The following XPR1 variants were observed in gnomAD, a reference collection of about 807,000 sequenced individuals.
The protein encoded by XPR1 is xenotropic and polytropic retrovirus receptor 1, also known as solute carrier family 53 member 1.
In XPR1, 28 loss-of-function variants were observed where a neutral mutation model predicts 87.5. The observed-to-expected ratio is 0.32, with a 90% CI of 0.24 to 0.44. XPR1 has a LOEUF of 0.44. XPR1 is among the 20% of genes least tolerant of loss of function. XPR1 has a pLI of 1.00. For synonymous variants in XPR1, 300 were observed against 306.1 expected, an observed-to-expected ratio of 0.98 and a Z score of 0.21; for missense variants, 559 against 862.3, an observed-to-expected ratio of 0.65 and a Z score of 4.41.
At position 180,803,588 on chromosome 1, in the gene XPR1, C is replaced by T; in HGVS notation, c.424C>T (p.Leu142=). 6.2e-7 allele frequency: 1 copy of T among 1,612,576 alleles called. No individual in the cohort carries two copies. The highest frequency in any genetic ancestry group is 8.5e-7 in the Non-Finnish European group (1 of 1,179,750). The change falls in exon 4 of 15, where the codon CTA becomes TTA. Residue 142 remains leucine (L), a synonymous_variant. Coordinates refer to ENST00000367590, the MANE Select transcript of XPR1 (RefSeq NM_004736.4). ...KLAFSEFYLS[L]ILLQNYQNLN... is the part of the protein sequence containing the mutation. The stretch of plus-strand genomic sequence containing the variant: ...GGCCTTCAGTGAGTTCTACCTCAGT[C>T]TAATCCTGCTGCAGAACTATCAGGT...
intron 1 of XPR1, among the ~76,000 whole-genome samples, chr1:180,638,743 G>A (rs1218243077): frequency 6.6e-6 from 1 of 152,144 alleles, no homozygotes; most frequent in Non-Finnish European, 1.5e-5. Flanking sequence ...AAATTAAAAA[G>A]TGGTGTAGAA....
chr1:180,835,067 ATAC>A, intron 10 of XPR1, 22 bp downstream of exon 10: 1 of 1,609,276 alleles, frequency 6.2e-7, no homozygotes. Context: ...ATTTGCATCT[ATAC>A]TACTAAATCG....
Position 180,880,217 on chromosome 1 carries a change from TG to T in XPR1, c.1954del (p.Val652TyrfsTer35). On this transcript the variant is annotated frameshift_variant, in exon 14 of 15. Transcript: ENST00000367590. LOFTEE classifies it high-confidence loss of function. ...LLEQMMDQDD[G>X]VRNRQKNRSW... ...TAGAACAGATGATGGACCAGGATGA[TG>T]GGGTACGAAACCGCCAGAAGAATCG... is the stretch of plus-strand genomic sequence containing the variant. 6.2e-7 allele frequency: 1 copy of T among 1,614,156 alleles called. No individual in the cohort carries two copies. Among genetic ancestry groups the T allele is most frequent in the Non-Finnish European group, 8.5e-7 (1 of 1,180,040 alleles).
chr1:180,642,708 T>G (rs1654997610), intron 1 of XPR1, among the ~76,000 whole-genome samples: 1 of 152,150 alleles, frequency 6.6e-6, no homozygotes, highest in Non-Finnish European at 1.5e-5. Flanking sequence ...TAAGACTTAG[T>G]TCCTGCCTTA....
At chr1:180,835,980 T>C (rs1651272722) in intron 10 of XPR1, among the ~76,000 whole-genome samples, 1 of 152,212 alleles carries the variant, frequency 6.6e-6, no homozygotes, top group Non-Finnish European at 1.5e-5. Flanking sequence ...TGGACAGATA[T>C]CCATAAATCT....
At chr1:180,662,367 T>C (rs1363409294) in intron 1 of XPR1, among the ~76,000 whole-genome samples, 1 of 152,212 alleles carries the variant, frequency 6.6e-6, no homozygotes, top group Non-Finnish European at 1.5e-5. Flanking sequence ...TTATTTCTTC[T>C]TCATATTTGA....
intron 6 of XPR1, among the ~76,000 whole-genome samples, chr1:180,808,110 T>C (rs1161166105): frequency 6.6e-6 from 1 of 152,164 alleles, no homozygotes; most frequent in Non-Finnish European, 1.5e-5. Context: ...GCTGCAGTAA[T>C]CAAGAGAGTG....
rs542018082 is a variant in XPR1, at chr1:180,885,903, C to T, written c.*1837C>T. 1 of 152,154 alleles carries T rather than the reference C, an allele frequency of 6.6e-6. No homozygotes were observed. Among genetic ancestry groups the T allele is most frequent in the African/African-American group, 2.4e-5 (1 of 41,448 alleles). The allele number at this position is 152,154 out of a possible 1,614,324, so 9.4% of individuals were successfully genotyped here. A position where few individuals can be genotyped will look rare whatever the true frequency, so the allele number is the denominator to read the frequency against. ...TTATCAATTAACTGACAAATAGTTTCTTTTTAAAGTAGTTTCTTCCATCTT... is the reference window on the plus strand; with the variant it reads ...TTATCAATTAACTGACAAATAGTTTTTTTTTAAAGTAGTTTCTTCCATCTT... On this transcript the variant is annotated 3_prime_UTR_variant, in exon 15 of 15. Transcript: ENST00000367590.
At chr1:180,858,179 C>G (rs1228245400) in intron 11 of XPR1, among the ~76,000 whole-genome samples, 1 of 152,198 alleles carries the variant, frequency 6.6e-6, no homozygotes, top group African/African-American at 2.4e-5. Context: ...TGCACCATTG[C>G]ACTCCAGTGT....
chr1:180,707,068 A>G (rs1657584491), intron 2 of XPR1, among the ~76,000 whole-genome samples: 1 of 152,236 alleles, frequency 6.6e-6, no homozygotes, highest in Admixed American at 6.5e-5. Flanking sequence ...ACTTGTATTA[A>G]GAGTTAAGAT....
chr1:180,717,418 A>G (rs1240255794), intron 2 of XPR1, among the ~76,000 whole-genome samples: 1 of 152,210 alleles, frequency 6.6e-6, no homozygotes, highest in African/African-American at 2.4e-5. Context: ...TACGAGATGA[A>G]TGATAATATA....
At chr1:180,849,744 T>C (rs570715419) in intron 11 of XPR1, among the ~76,000 whole-genome samples, 2 of 152,314 alleles carry the variant, frequency 1.3e-5, no homozygotes, top group East Asian at 3.9e-4. Context: ...ATCTTGGGCA[T>C]GTTGCCTGAT....
intron 2 of XPR1, among the ~76,000 whole-genome samples, chr1:180,739,217 A>G (rs1409610853): frequency 2.6e-5 from 4 of 152,094 alleles, no homozygotes; most frequent in Non-Finnish European, 4.4e-5. Context: ...TGGACTGTCT[A>G]TTCTGTTTCA....
At chr1:180,661,293 G>A (rs1026409768) in intron 1 of XPR1, among the ~76,000 whole-genome samples, 3 of 151,812 alleles carry the variant, frequency 2.0e-5, no homozygotes, top group Non-Finnish European at 4.4e-5. Flanking sequence ...AAAAAAAACA[G>A]GGTCTTGTTT....
chr1:180,740,207 G>A (rs987858602), intron 2 of XPR1, among the ~76,000 whole-genome samples: 4 of 152,144 alleles, frequency 2.6e-5, no homozygotes, highest in Non-Finnish European at 5.9e-5. Context: ...TCAGTGTGAT[G>A]TTGAATAGGT....
At position 180,749,639 on chromosome 1, in the gene XPR1, T is replaced by TCACACACACACACACACACACACA. The variant is rs139363505; in HGVS notation, c.122-38098_122-38075dup. On this transcript the variant is annotated intron_variant, in intron 2 of 14. Coordinates refer to ENST00000367590, the MANE Select transcript of XPR1 (RefSeq NM_004736.4). ...AAAATTTATAATAAACACATATACA[T>TCACACACACACACACACACACACA]CACACACACACACACACACACACAC... Among the ~76,000 whole-genome samples the TCACACACACACACACACACACACA allele has an allele frequency of 1.5e-3, 214 of 142,428 alleles. 4 individuals carry two copies. The highest frequency in any genetic ancestry group is 4.9e-3 in the African/African-American group (189 of 38,252). 93.4% of individuals were successfully genotyped at this position (142,428 alleles called of 152,430 possible). A position where few individuals can be genotyped will look rare whatever the true frequency, so the allele number is the denominator to read the frequency against.
intron 11 of XPR1, among the ~76,000 whole-genome samples, chr1:180,852,086 T>C (rs532465885): frequency 1.3e-5 from 2 of 151,892 alleles, no homozygotes; most frequent in South Asian, 4.2e-4. Flanking sequence ...ATAGACTAAT[T>C]ACAATAGAAC....
intron 13 of XPR1, among the ~76,000 whole-genome samples, chr1:180,877,022 A>C (rs1330047790): frequency 6.6e-6 from 1 of 152,266 alleles, no homozygotes; most frequent in East Asian, 1.9e-4. Context: ...ATACATGGTC[A>C]ACATAATATA....
rs1238521780 is a variant in XPR1, at chr1:180,880,145, G to A, written c.1878G>A (p.Val626=). The change falls in exon 14 of 15, where the codon GTG becomes GTA. Residue 626 remains valine (V), a synonymous_variant. Transcript: ENST00000367590. ...ATAACTGTGGTGAATTCCGTGCTGT[G>A]CGGGACATCTCTGTGGCCCCCCTGA... ...HLNNCGEFRA[V]RDISVAPLNA... 1 of 1,614,190 alleles carries A rather than the reference G, an allele frequency of 6.2e-7. No homozygotes were observed. The highest frequency in any genetic ancestry group is 8.5e-7 in the Non-Finnish European group (1 of 1,180,042).
Sources: allele counts gnomAD v4.1 joint callset (sites outside exome capture counted in the v4.1 genomes callset), GRCh38; gene constraint gnomAD v4.1.1; transcripts MANE v1.5; gene names NCBI Gene and HGNC (gene_info 2026-07-23, HGNC 2026-07-21).